The following CACNA1F variants were observed in gnomAD, a reference collection of about 807,000 sequenced individuals.
CACNA1F encodes the protein voltage-dependent L-type calcium channel subunit alpha-1F.
A neutral mutation model predicts 143.8 loss-of-function variants in CACNA1F; 59 were observed. The ratio of observed to expected loss-of-function variants is 0.41; its 90% confidence interval spans 0.33 to 0.51. CACNA1F has a LOEUF of 0.51. Among genes scored for constraint, CACNA1F ranks in the 20% least tolerant of loss-of-function variants. CACNA1F has a pLI of 0.22. For missense variants in CACNA1F, 1,411 were observed against 1,647.5 expected (o/e 0.86, Z 2.48); for synonymous variants, 643 against 649.1 (o/e 0.99, Z 0.14).
intron 6 of CACNA1F, 132 bp downstream of exon 6, chrX:49,230,088 G>T: frequency 3.7e-6 from 2 of 535,802 alleles, no homozygotes; most frequent in Non-Finnish European, 6.1e-6. Flanking sequence ...GGTGGGACTT[G>T]GTTATCTGGG....
chrX:49,228,361 GC>G lies in CACNA1F; in HGVS notation c.903del (p.Arg302AlafsTer20). On this transcript the variant is annotated frameshift_variant, in exon 7 of 48. Coordinates refer to ENST00000323022, the MANE Select transcript of CACNA1F (RefSeq NM_001256789.3). LOFTEE classifies it high-confidence loss of function. ...ACTLNQTECR[G>X]RWPGPNGGIT... ...ATGCCTCCATTGGGCCCTGGCCAGC[GC>G]CCGCGGCACTCAGTCTGGTTCAGCG... The G allele has an allele frequency of 8.3e-7, 1 of 1,210,081 alleles. No homozygotes were observed.
At chrX:49,231,343 G>A (rs902723954) in intron 2 of CACNA1F, 36 bp from the exon 3 acceptor site, 3 of 977,201 alleles carry the variant, frequency 3.1e-6, no homozygotes, top group Non-Finnish European at 4.3e-6. Context: ...TGGCAGAGTG[G>A]CATTGGAACC....
rs1431202521 is a variant in CACNA1F at position 49,205,781 on chromosome X, C to G, written c.5505G>C (p.Arg1835=). 1.7e-5 allele frequency: 21 copies of G among 1,201,675 alleles called. No individual in the cohort carries two copies. Among genetic ancestry groups the G allele is most frequent in the Non-Finnish European group, 2.4e-5 (21 of 891,137 alleles). The change falls in exon 47 of 48, where the codon CGG becomes CGC. Residue 1835 remains arginine, a synonymous_variant. Coordinates refer to ENST00000323022, the MANE Select transcript of CACNA1F (RefSeq NM_001256789.3). ...GSWATPPQRG[R]LLYAPLLLVE... is the part of the protein sequence containing the mutation. ...CCAACAACAGCGGGGCATACAGGAG[C>G]CGACCCCGCTGAGGTGGTGTTGCCC...
rs1557105051 is a variant in CACNA1F at position 49,206,870 on chromosome X, G to A, written c.5232-15C>T. On this transcript the variant is annotated splice_polypyrimidine_tract_variant and intron_variant, in intron 44 of 47. Coordinates refer to ENST00000323022, the MANE Select transcript of CACNA1F (RefSeq NM_001256789.3). ...GGTAGGAAAGCCTGTGTGGGTGGGA[G>A]GGCCAGGGGTGAACTTGGGTCTGGG... 2.5e-6 allele frequency: 3 copies of A among 1,200,417 alleles called. No individual in the cohort carries two copies. Among genetic ancestry groups the A allele is most frequent in the South Asian group, 3.6e-5 (2 of 55,784 alleles).
chrX:49,211,371 T>G lies in CACNA1F; in HGVS notation c.4211A>C (p.Asn1404Thr), dbSNP rs1557106221. The G allele has an allele frequency of 8.3e-7, 1 of 1,210,435 alleles. No individual in the cohort carries two copies. Among genetic ancestry groups the G allele is most frequent in the Admixed American group, 2.2e-5 (1 of 46,001 alleles). ...GPGEEFTCGS[N>T]FAIAYFISFF... ...GCTGATGAAATAGGCGATGGCAAAA[T>G]TGCTACCACAGGTAAACTCTTCACC... Residue 1404 changes from asparagine to threonine, a missense_variant, in exon 36 of 48, where the codon AAT (asparagine) becomes ACT (threonine). Physicochemically the swap from Asn to Thr is moderately conservative, Grantham distance 65 (BLOSUM62 0). Coordinates refer to ENST00000323022, the MANE Select transcript of CACNA1F (RefSeq NM_001256789.3).
Position 49,209,395 on chromosome X carries a change from T to C in CACNA1F, c.4822-2A>G. 2 of 1,209,848 alleles carry C rather than the reference T, an allele frequency of 1.7e-6. No homozygotes were observed. Among genetic ancestry groups the C allele is most frequent in the Non-Finnish European group, 1.1e-6 (1 of 894,248 alleles). The stretch of plus-strand genomic sequence containing the variant: ...GTCCTGCAGGCTCCGCAGACCAGCC[T>C]GTGGGGGTGGAGAAATAGGTAAGCA... On this transcript the variant is annotated splice_acceptor_variant, in intron 41 of 47. Coordinates refer to ENST00000323022, the MANE Select transcript of CACNA1F (RefSeq NM_001256789.3). LOFTEE classifies it high-confidence loss of function.
At chrX:49,232,761 C>A (rs1602659763) in intron 1 of CACNA1F, among the ~76,000 whole-genome samples, 1 of 111,030 alleles carries the variant, frequency 9.0e-6, no homozygotes, top group Non-Finnish European at 1.9e-5. Flanking sequence ...AACTCTAGAG[C>A]CCTCATGGCT....
At position 49,224,931 on chromosome X, in the gene CACNA1F, C is replaced by T. The variant is rs1450212557; in HGVS notation, c.1707G>A (p.Leu569=). ...CATAGGCAGAGGGGCCCAGACCGTA[C>T]AATTTGAGAAGCATCTCCACCGTGA... ...CLFTVEMLLK[L]YGLGPSAYVS... is the part of the protein sequence containing the mutation. Residue 569 remains leucine (L), a synonymous_variant, in exon 14 of 48, where the codon TTG becomes TTA. Transcript: ENST00000323022. 2 of 1,206,065 alleles carry T rather than the reference C, an allele frequency of 1.7e-6. No homozygotes were observed. Among genetic ancestry groups the T allele is most frequent in the African/African-American group, 1.8e-5 (1 of 56,937 alleles).
At chrX:49,211,814 C>G (rs1326086064) in intron 35 of CACNA1F, 84 bp downstream of exon 35, 1 of 753,657 alleles carries the variant, frequency 1.3e-6, no homozygotes, top group African/African-American at 2.1e-5. Flanking sequence ...CCATATTATT[C>G]CCATAGCTCA....
At chrX:49,209,594 A>C (rs782145685) in intron 41 of CACNA1F, 35 bp downstream of exon 41, 1 of 1,208,624 alleles carries the variant, frequency 8.3e-7, no homozygotes, top group East Asian at 3.0e-5. Context: ...GCACTGCCAC[A>C]CGTGCCCATC....
At chrX:49,210,152 G>T in intron 39 of CACNA1F, 110 bp from the exon 40 acceptor site, 1 of 673,802 alleles carries the variant, frequency 1.5e-6, no homozygotes, top group Non-Finnish European at 2.5e-6. Flanking sequence ...GATGCACACC[G>T]CCCCCATTGG....
chrX:49,231,683 C>T lies in CACNA1F; in HGVS notation c.270G>A (p.Glu90=). The change falls in exon 2 of 48, where the codon GAG becomes GAA. Residue 90 remains glutamate, a synonymous_variant. Transcript: ENST00000323022. The part of the protein sequence containing the change: ...PLRRSCISIV[E]WKPFDILILL... ...GCCCCTGCCTTCCAGGATGCTTCCA[C>T]TCCACGATGCTGATGCAGGACCGTC... The T allele has an allele frequency of 8.3e-7, 1 of 1,211,976 alleles. No homozygotes were observed. Among genetic ancestry groups the T allele is most frequent in the South Asian group, 1.8e-5 (1 of 57,021 alleles).
rs1557104975 is a variant in CACNA1F, at chrX:49,206,734, G to A, written c.5353C>T (p.Pro1785Ser). Residue 1785 changes from proline (P) to serine (S), a missense_variant, in exon 45 of 48, where the codon CCT becomes TCT. This residue lies in a region of CACNA1F where 349 missense variants were observed against 350.2 expected (regional missense o/e 1.00). Coordinates refer to ENST00000323022, the MANE Select transcript of CACNA1F (RefSeq NM_001256789.3). ...VPRRRLLPPTPAGRKPSFTIQ... is the reference protein window; with the variant it reads ...VPRRRLLPPTSAGRKPSFTIQ... ...GATCCATCCCTGCTCTCACCTGCAGGTGTGGGGGGCAGCAGACGGCGGCGT... is the reference window on the plus strand; with the variant it reads ...GATCCATCCCTGCTCTCACCTGCAGATGTGGGGGGCAGCAGACGGCGGCGT... 8.3e-7 allele frequency: 1 copy of A among 1,206,248 alleles called. No individual in the cohort carries two copies. Among genetic ancestry groups the A allele is most frequent in the Admixed American group, 2.2e-5 (1 of 45,842 alleles).
chrX:49,214,295 G>C, intron 29 of CACNA1F, 26 bp from the exon 30 acceptor site: 2 of 930,213 alleles, frequency 2.2e-6, no homozygotes, highest in Non-Finnish European at 3.1e-6. Context: ...AGGTTGAGAT[G>C]GAGCCTGAGG....
chrX:49,227,055 C>T lies in CACNA1F; in HGVS notation c.1191G>A (p.Met397Ile). 3 of 1,208,638 alleles carry T rather than the reference C, an allele frequency of 2.5e-6. No homozygotes were observed. The highest frequency in any genetic ancestry group is 2.2e-6 in the Non-Finnish European group (2 of 893,600). The change falls in exon 9 of 48, where the codon ATG (methionine) becomes ATA (isoleucine). Residue 397 changes from methionine to isoleucine, a missense_variant. By Grantham distance (10) the Met-to-Ile change is conservative. Coordinates refer to ENST00000323022, the MANE Select transcript of CACNA1F (RefSeq NM_001256789.3). Reference sequence around the variant, plus strand: ...CCAGGTAGCCCCGCAGGTCTTCCTCCATCTGCTGCTTCTCCCGCTGCTTCT... The same window carrying T: ...CCAGGTAGCCCCGCAGGTCTTCCTCTATCTGCTGCTTCTCCCGCTGCTTCT... ...DFQKQREKQQ[M>I]EEDLRGYLDW...
In CACNA1F at chrX:49,206,935, C is replaced by T. The variant is rs1557105063; in HGVS notation, c.5231+70G>A. On this transcript the variant is annotated intron_variant, in intron 44 of 47. Transcript: ENST00000323022. ...TGGGAGATGGGGCACAAACAGTCCT[C>T]CCCGACCCAGTTCCCACCCCTCCTC... The T allele has an allele frequency of 3.5e-6, 4 of 1,128,467 alleles. No homozygotes were observed. In the African/African-American group the frequency reaches 7.2e-5, roughly 20 times the overall value. 93.0% of individuals were successfully genotyped at this position (1,128,467 alleles called of 1,213,427 possible).
chrX:49,205,898 C>T, intron 46 of CACNA1F, 85 bp from the exon 47 acceptor site: 1 of 834,767 alleles, frequency 1.2e-6, no homozygotes, highest in South Asian at 2.3e-5. Flanking sequence ...TACTTCTTTC[C>T]CTCAGTATAC....
chrX:49,229,773 C>T (rs2065859136), intron 6 of CACNA1F, among the ~76,000 whole-genome samples: 1 of 109,710 alleles, frequency 9.1e-6, no homozygotes, highest in Non-Finnish European at 1.9e-5. Context: ...CTCAGCCTCC[C>T]GAGTAGCTGG....
At chrX:49,227,455 G>C (rs2065837716) in intron 8 of CACNA1F, among the ~76,000 whole-genome samples, 1 of 111,589 alleles carries the variant, frequency 9.0e-6, no homozygotes, top group South Asian at 3.7e-4. Flanking sequence ...TTCCTGAGTA[G>C]CTAGGACTAC....
Sources: gnomAD v4.1 joint callset for allele counts (sites outside exome capture counted in the v4.1 genomes callset) on GRCh38, gnomAD v4.1.1 for gene constraint, gnomAD v4.1.1 regional missense constraint, MANE v1.5 for transcripts, NCBI Gene and HGNC (gene_info 2026-07-23, HGNC 2026-07-21) for gene names.